The following LRP1B variants were observed in gnomAD, a reference collection of about 807,000 sequenced individuals.
The protein encoded by LRP1B is low-density lipoprotein receptor-related protein 1B.
A neutral mutation model predicts 556.6 loss-of-function variants in LRP1B; 217 were observed. The observed-to-expected ratio is 0.39, with a 90% CI of 0.35 to 0.44. The LOEUF (loss-of-function observed/expected upper bound fraction) is 0.44. Among genes scored for constraint, LRP1B ranks in the 20% least tolerant of loss-of-function variants. The probability of loss-of-function intolerance (pLI) is 1.00; values close to 1 mark genes in which losing one functional copy is unlikely to be tolerated. For missense variants in LRP1B, 5,053 were observed against 5,620.8 expected (o/e 0.90, Z 3.23); for synonymous variants, 2,047 against 1,865.8 (o/e 1.10, Z -2.50).
chr2:142,118,040 T>A (rs567879903), intron 1 of LRP1B, among the ~76,000 whole-genome samples: 5 of 152,240 alleles, frequency 3.3e-5, no homozygotes, highest in Admixed American at 3.3e-4. Flanking sequence ...ACCCTATTTC[T>A]CTCTGTGAAA....
intron 43 of LRP1B, among the ~76,000 whole-genome samples, chr2:140,561,273 A>T (rs545441567): frequency 1.3e-5 from 2 of 152,128 alleles, no homozygotes; most frequent in Non-Finnish European, 2.9e-5. Context: ...CCCTCATTTC[A>T]TAGAGATCCT....
intron 3 of LRP1B, among the ~76,000 whole-genome samples, chr2:141,414,105 C>T (rs552164368): frequency 5.3e-5 from 8 of 151,436 alleles, no homozygotes; most frequent in South Asian, 4.2e-4. Context: ...GGTGTGGTGG[C>T]GGGTGCCTGT....
chr2:141,562,594 T>C (rs1200470970), intron 2 of LRP1B, among the ~76,000 whole-genome samples: 1 of 151,798 alleles, frequency 6.6e-6, no homozygotes, highest in Non-Finnish European at 1.5e-5. Context: ...GAAGTGTAGA[T>C]CAGATCTTCA....
At chr2:140,711,227 T>C (rs1489969777) in intron 37 of LRP1B, among the ~76,000 whole-genome samples, 1 of 152,052 alleles carries the variant, frequency 6.6e-6, no homozygotes, top group African/African-American at 2.4e-5. Flanking sequence ...ATTTATTGCT[T>C]TACCACTGGC....
At chr2:140,563,998 A>G (rs1456482321) in intron 43 of LRP1B, among the ~76,000 whole-genome samples, 2 of 152,166 alleles carry the variant, frequency 1.3e-5, no homozygotes, top group Non-Finnish European at 2.9e-5. Flanking sequence ...CAGGGTAACA[A>G]GGAGATAACA....
At chr2:141,986,695 C>A (rs1702195573) in intron 1 of LRP1B, among the ~76,000 whole-genome samples, 1 of 151,864 alleles carries the variant, frequency 6.6e-6, no homozygotes, top group Non-Finnish European at 1.5e-5. Context: ...CTTTCCAGAC[C>A]AATACAATCT....
chr2:141,112,071 T>TAATAAATAAATAAATAAATAATA (rs1700769889), intron 7 of LRP1B, among the ~76,000 whole-genome samples: 2 of 145,754 alleles, frequency 1.4e-5, no homozygotes, highest in African/African-American at 2.6e-5. Context: ...AATAAATAAA[T>TAATAAATAAATAAATAAATAATA]AATAAATAAA....
intron 18 of LRP1B, among the ~76,000 whole-genome samples, chr2:140,965,942 A>C (rs1313762472): frequency 6.6e-6 from 1 of 151,998 alleles, no homozygotes; most frequent in Admixed American, 6.6e-5. Flanking sequence ...CATTCTCTTA[A>C]TCCAGTCTAT....
intron 86 of LRP1B, 41 bp from the exon 87 acceptor site, chr2:140,247,203 A>G (rs1418901783): frequency 7.0e-7 from 1 of 1,422,012 alleles, no homozygotes; most frequent in Non-Finnish European, 9.9e-7. Flanking sequence ...ATCAGCGAAT[A>G]ACAAAGCCCA....
rs116040058 is a variant in LRP1B, at chr2:141,496,260, G to A, written c.206-15727C>T. On this transcript the variant is annotated intron_variant, in intron 2 of 90. Coordinates refer to ENST00000389484, the MANE Select transcript of LRP1B (RefSeq NM_018557.3). ...ACATTTGGTAAATGCCACATTCAGA[G>A]CCATACTATGCACTCTAAAAAAAAA... 6.4e-3 allele frequency among the ~76,000 whole-genome samples: 967 copies of A among 151,786 alleles called. 7 individuals carry two copies. Among genetic ancestry groups the A allele is most frequent in the African/African-American group, 0.023 (933 of 41,402 alleles).
At position 142,116,020 on chromosome 2, in the gene LRP1B, C is replaced by T. The variant is rs62155636; in HGVS notation, c.82+14628G>A. Reference sequence around the variant, plus strand: ...TCATTTGAGGTCAGGAGTGTGGGAGCAGGCGGCCAACATGGTGAAATGTCT... The same window carrying T: ...TCATTTGAGGTCAGGAGTGTGGGAGTAGGCGGCCAACATGGTGAAATGTCT... On this transcript the variant is annotated intron_variant, in intron 1 of 90. Transcript: ENST00000389484. Among the ~76,000 whole-genome samples the T allele has an allele frequency of 4.1e-3, 591 of 142,792 alleles. 3 individuals are homozygous for T. The highest frequency in any genetic ancestry group is 7.4e-3 in the Non-Finnish European group (493 of 66,390). The allele number at this position is 142,792 out of a possible 152,430, so 93.7% of individuals were successfully genotyped here.
intron 37 of LRP1B, among the ~76,000 whole-genome samples, chr2:140,709,791 A>G (rs1686968874): frequency 1.3e-5 from 2 of 152,092 alleles, no homozygotes; most frequent in African/African-American, 4.8e-5. Context: ...AAATTTTGAC[A>G]CTTAAATGTC....
chr2:141,849,393 A>G (rs1309720780), intron 1 of LRP1B, among the ~76,000 whole-genome samples: 1 of 151,640 alleles, frequency 6.6e-6, no homozygotes, highest in East Asian at 1.9e-4. Flanking sequence ...TCACATCTTA[A>G]TTATGGCGTT....
chr2:141,960,255 G>T (rs572966788), intron 1 of LRP1B, among the ~76,000 whole-genome samples: 4 of 151,952 alleles, frequency 2.6e-5, no homozygotes, highest in African/African-American at 9.6e-5. Context: ...AAGTCTCACA[G>T]CTAATTGGCA....
intron 7 of LRP1B, among the ~76,000 whole-genome samples, chr2:141,185,391 C>T (rs1298535782): frequency 6.6e-6 from 1 of 151,926 alleles, no homozygotes; most frequent in African/African-American, 2.4e-5. Flanking sequence ...TCTATGCTAC[C>T]TGCCAACTCT....
intron 24 of LRP1B, 63 bp downstream of exon 24, chr2:140,886,075 T>C (rs1693629751): frequency 9.9e-7 from 1 of 1,009,724 alleles, no homozygotes. Context: ...AGTTATAACG[T>C]GTTCTTTGAA....
chr2:141,062,028 T>C (rs2105467862), intron 8 of LRP1B, 23 bp downstream of exon 8: 1 of 1,587,910 alleles, frequency 6.3e-7, no homozygotes, highest in Non-Finnish European at 8.6e-7. Context: ...CCTAGGAGCG[T>C]TGTCTAACAA....
chr2:140,823,899 A>T (rs1289440129), intron 31 of LRP1B, among the ~76,000 whole-genome samples: 1 of 152,082 alleles, frequency 6.6e-6, no homozygotes, highest in Non-Finnish European at 1.5e-5. Context: ...ACTCATGACC[A>T]CAAAGAAGGG....
At chr2:142,111,171 A>G (rs990748311) in intron 1 of LRP1B, among the ~76,000 whole-genome samples, 2 of 152,134 alleles carry the variant, frequency 1.3e-5, no homozygotes, top group African/African-American at 4.8e-5. Context: ...AAACTACAAT[A>G]ATGCTTAGTG....
Sources: allele counts gnomAD v4.1 joint callset (sites outside exome capture counted in the v4.1 genomes callset), GRCh38; gene constraint gnomAD v4.1.1; transcripts MANE v1.5; gene names NCBI Gene and HGNC (gene_info 2026-07-23, HGNC 2026-07-21).